Variants in TENM1 observed in about 807,000 individuals in gnomAD.
TENM1 encodes the protein teneurin-1.
A neutral mutation model predicts 174.8 loss-of-function variants in TENM1; 35 were observed. That is an observed-to-expected ratio of 0.20 (90% CI 0.15 to 0.27). The LOEUF (loss-of-function observed/expected upper bound fraction) is 0.27. Ranked by LOEUF, TENM1 falls within the 10% of genes least tolerant of loss-of-function variation. TENM1 has a pLI of 1.00. For missense variants in TENM1, 1,633 were observed against 2,130.1 expected (o/e 0.77, Z 4.59); for synonymous variants, 781 against 798.7 (o/e 0.98, Z 0.37).
At chrX:124,615,794 T>C (rs1008835140) in intron 11 of TENM1, among the ~76,000 whole-genome samples, 2 of 111,935 alleles carry the variant, frequency 1.8e-5, no homozygotes, top group African/African-American at 6.5e-5. Context: ...AGAGAAAATA[T>C]TTTTATTGAG....
At chrX:124,376,762 CTTTTTTTGT>C (rs1386693706) in exon 32 of TENM1, 2 of 107,657 alleles carry the variant, frequency 1.9e-5, no homozygotes, top group Admixed American at 9.8e-5. Context: ...GTTTTTTGCG[CTTTTTTTGT>C]TTTTTTTGTT....
At chrX:124,517,927 T>C (rs1384226762) in intron 18 of TENM1, among the ~76,000 whole-genome samples, 3 of 111,425 alleles carry the variant, frequency 2.7e-5, no homozygotes, top group African/African-American at 6.5e-5. Context: ...TAGGATAATA[T>C]CATGGAGAAG....
chrX:124,429,122 T>C (rs1569531176), intron 23 of TENM1, among the ~76,000 whole-genome samples: 1 of 111,836 alleles, frequency 8.9e-6, no homozygotes, highest in Non-Finnish European at 1.9e-5. Flanking sequence ...TATGTGCTTT[T>C]AGCCCCTATG....
intron 1 of TENM1, among the ~76,000 whole-genome samples, chrX:124,942,567 T>C (rs1358388487): frequency 8.9e-6 from 1 of 111,925 alleles, no homozygotes; most frequent in Non-Finnish European, 1.9e-5. Flanking sequence ...AGGAAGTCAC[T>C]GAATACTGGT....
At chrX:124,971,292 A>T in the TENM1 span, among the ~76,000 whole-genome samples, 3 of 111,276 alleles carry the variant, frequency 2.7e-5, no homozygotes, top group Non-Finnish European at 3.8e-5. Flanking sequence ...TAATAATAAT[A>T]AAAAAAAGTA....
At chrX:124,984,411 G>C in the TENM1 span, among the ~76,000 whole-genome samples, 1 of 112,351 alleles carries the variant, frequency 8.9e-6, no homozygotes, top group Non-Finnish European at 1.9e-5. Flanking sequence ...ATTTTTTACA[G>C]AGGTCATCTG....
intron 3 of TENM1, among the ~76,000 whole-genome samples, chrX:124,860,514 G>A (rs765780404): frequency 6.3e-5 from 7 of 111,575 alleles, no homozygotes; most frequent in Non-Finnish European, 1.1e-4. Flanking sequence ...GCTGTCAGGA[G>A]AAAACGATGT....
the TENM1 span, among the ~76,000 whole-genome samples, chrX:125,120,266 T>C: frequency 2.5e-4 from 28 of 112,009 alleles, no homozygotes; most frequent in African/African-American, 8.7e-4. Context: ...GATAACCTCA[T>C]GAATTTAAAT....
chrX:124,740,994 ATAAAT>A (rs1405444772), intron 3 of TENM1, among the ~76,000 whole-genome samples: 1 of 111,689 alleles, frequency 9.0e-6, no homozygotes, highest in African/African-American at 3.3e-5. Context: ...CTTTCTGAAA[ATAAAT>A]TAAGTTTTCA....
At chrX:124,895,547 T>C (rs1362451262) in intron 2 of TENM1, among the ~76,000 whole-genome samples, 1 of 112,019 alleles carries the variant, frequency 8.9e-6, no homozygotes, top group Non-Finnish European at 1.9e-5. Flanking sequence ...AACAGGTTAA[T>C]CTGAATCCAA....
At chrX:124,991,577 GACT>G in the TENM1 span, among the ~76,000 whole-genome samples, 2 of 110,210 alleles carry the variant, frequency 1.8e-5, no homozygotes, top group African/African-American at 6.6e-5. Flanking sequence ...TGGTTCTCAG[GACT>G]ACATTTCTAT....
At chrX:124,845,175 A>C (rs2056582317) in intron 3 of TENM1, among the ~76,000 whole-genome samples, 1 of 112,396 alleles carries the variant, frequency 8.9e-6, no homozygotes, top group Admixed American at 9.4e-5. Context: ...CTAAAAAAGT[A>C]ATGCTATGCC....
rs192437898 is a variant in TENM1, at chrX:124,712,479, T to C, written c.777-7228A>G. ...TTTGAACATCTTTTCTTTTCTTTTC[T>C]TTTTCTTTTTTGTTTTTTTGGAGAC... On this transcript the variant is annotated intron_variant, in intron 4 of 31. Coordinates refer to ENST00000422452, the Ensembl canonical transcript of TENM1. Among the ~76,000 whole-genome samples the C allele has an allele frequency of 1.2e-4, 13 of 111,455 alleles. 1 individual carries two copies. The East Asian group carries it at 3.4e-3, about 29-fold the overall frequency.
the TENM1 span, among the ~76,000 whole-genome samples, chrX:125,096,744 T>C: frequency 1.8e-5 from 2 of 110,751 alleles, no homozygotes; most frequent in African/African-American, 6.6e-5. Flanking sequence ...TAAATGACCA[T>C]AAGGTTTCCT....
At chrX:124,385,102 A>C (rs960387533) in intron 29 of TENM1, among the ~76,000 whole-genome samples, 15 of 112,704 alleles carry the variant, frequency 1.3e-4, no homozygotes, top group African/African-American at 4.8e-4. Context: ...AAACTACAGA[A>C]GTAATAACAC....
At chrX:124,441,748 G>GA (rs2060904773) in intron 23 of TENM1, among the ~76,000 whole-genome samples, 2 of 112,315 alleles carry the variant, frequency 1.8e-5, no homozygotes, top group African/African-American at 6.5e-5. Context: ...AAGAAAATGG[G>GA]AAAATACACT....
intron 11 of TENM1, among the ~76,000 whole-genome samples, chrX:124,566,766 G>A (rs2843527): frequency 0.3 from 33,385 of 110,849 alleles, 4,121 homozygotes; most frequent in African/African-American, 0.47. Flanking sequence ...ATTTGTTCAT[G>A]GGTTTACTCA....
chrX:125,159,839 C>T, the TENM1 span, among the ~76,000 whole-genome samples: 10,969 of 111,274 alleles, frequency 0.099, 476 homozygotes, highest in Non-Finnish European at 0.14. Context: ...TGCATGAGCA[C>T]ATGAAGAGGT....
At chrX:125,119,204 GTTTTA>G in the TENM1 span, among the ~76,000 whole-genome samples, 1,571 of 111,497 alleles carry the variant, frequency 0.014, 19 homozygotes, top group African/African-American at 0.049. Flanking sequence ...CTTTTTTAAT[GTTTTA>G]TTTTATTTTT....
Sources: allele counts gnomAD v4.1 joint callset (sites outside exome capture counted in the v4.1 genomes callset), GRCh38; gene constraint gnomAD v4.1.1; transcripts MANE v1.5; gene names NCBI Gene and HGNC (gene_info 2026-07-23, HGNC 2026-07-21).